Variants in KCNH8 observed in about 807,000 individuals in gnomAD.
KCNH8 encodes potassium voltage-gated channel subfamily H member 8.
KCNH8 carries 70 observed loss-of-function variants against 103.6 expected under a neutral mutation model. The ratio of observed to expected loss-of-function variants is 0.68; its 90% CI spans 0.56 to 0.82. KCNH8 has a LOEUF of 0.82. Among genes scored for constraint, KCNH8 ranks in the 40% least tolerant of loss-of-function variants. KCNH8 has a pLI of 0.00. For synonymous variants in KCNH8, 498 were observed against 489.4 expected, an observed-to-expected ratio of 1.02 and a Z score of -0.23; for missense variants, 1,217 against 1,329.9, an observed-to-expected ratio of 0.92 and a Z score of 1.32.
intron 7 of KCNH8, among the ~76,000 whole-genome samples, chr3:19,401,609 A>G (rs2066613823): frequency 6.6e-6 from 1 of 152,018 alleles, no homozygotes. Flanking sequence ...TCCACGTTTT[A>G]GAAGTAAGAT....
chr3:19,299,311 C>CACAGT (rs911274726), intron 3 of KCNH8, among the ~76,000 whole-genome samples: 2 of 151,736 alleles, frequency 1.3e-5, no homozygotes, highest in African/African-American at 4.8e-5. Context: ...TCTGGCCAGA[C>CACAGT]ACAGTGTCTG....
chr3:19,442,618 A>G (rs559524195), intron 8 of KCNH8, among the ~76,000 whole-genome samples: 1 of 152,194 alleles, frequency 6.6e-6, no homozygotes, highest in East Asian at 1.9e-4. Flanking sequence ...ATCAGTGCTC[A>G]TTGGTAAGTG....
intron 7 of KCNH8, among the ~76,000 whole-genome samples, chr3:19,418,045 T>G (rs1229966672): frequency 6.6e-6 from 1 of 152,156 alleles, no homozygotes; most frequent in African/African-American, 2.4e-5. Context: ...GAAATTTCCT[T>G]AAAAGTTCAG....
At chr3:19,269,147 G>T (rs1269478902) in intron 2 of KCNH8, among the ~76,000 whole-genome samples, 1 of 151,978 alleles carries the variant, frequency 6.6e-6, no homozygotes, top group African/African-American at 2.4e-5. Flanking sequence ...GATCTAAGAA[G>T]CATCATTATA....
At chr3:19,280,597 CTCAT>C (rs1467938152) in intron 2 of KCNH8, among the ~76,000 whole-genome samples, 1 of 152,052 alleles carries the variant, frequency 6.6e-6, no homozygotes, top group East Asian at 1.9e-4. Flanking sequence ...TTGTAAGTCA[CTCAT>C]TCACGCTGAT....
chr3:19,174,846 T>G (rs932186116), intron 1 of KCNH8, among the ~76,000 whole-genome samples: 3 of 152,228 alleles, frequency 2.0e-5, no homozygotes, highest in Non-Finnish European at 4.4e-5. Context: ...CCTGTTTTGT[T>G]TCAGAAAAGG....
intron 1 of KCNH8, among the ~76,000 whole-genome samples, chr3:19,234,179 G>A (rs181298099): frequency 6.6e-6 from 1 of 152,182 alleles, no homozygotes; most frequent in Admixed American, 6.5e-5. Flanking sequence ...AGACACAAAG[G>A]TTCTCCACGT....
chr3:19,309,781 A>T (rs1385939261), intron 3 of KCNH8, among the ~76,000 whole-genome samples: 1 of 151,966 alleles, frequency 6.6e-6, no homozygotes, highest in East Asian at 1.9e-4. Flanking sequence ...TCTTGCAACC[A>T]TCAGCCATGT....
chr3:19,473,751 T>A (rs897053909), intron 11 of KCNH8, among the ~76,000 whole-genome samples: 1 of 152,226 alleles, frequency 6.6e-6, no homozygotes, highest in African/African-American at 2.4e-5. Flanking sequence ...TTCTGAGAAC[T>A]TCTTGTATAC....
rs1302403395 is a variant in KCNH8, at chr3:19,535,087, G to T, written c.*988G>T. On this transcript the variant is annotated 3_prime_UTR_variant, in exon 16 of 16. Transcript: ENST00000328405. ...GCCAGCAGAAATGTCTCTCCTCTAGGTATCGTATTTTGTTGCTCAAGAATC... is the reference window on the plus strand; with the variant it reads ...GCCAGCAGAAATGTCTCTCCTCTAGTTATCGTATTTTGTTGCTCAAGAATC... The T allele has an allele frequency of 6.6e-6, 1 of 152,134 alleles. No individual in the cohort carries two copies. The highest frequency in any genetic ancestry group is 2.4e-5 in the African/African-American group (1 of 41,412). 9.4% of individuals were successfully genotyped at this position (152,134 alleles called of 1,614,324 possible).
intron 3 of KCNH8, among the ~76,000 whole-genome samples, chr3:19,332,853 G>C (rs1047883304): frequency 6.6e-5 from 10 of 152,004 alleles, no homozygotes; most frequent in Admixed American, 2.6e-4. Context: ...GGCTGGTCTT[G>C]AACTCCTGAC....
chr3:19,340,171 C>G (rs559502374), intron 3 of KCNH8, among the ~76,000 whole-genome samples: 82 of 152,090 alleles, frequency 5.4e-4, no homozygotes, highest in African/African-American at 1.9e-3. Context: ...TAGGCATCAG[C>G]AACAGTCATA....
intron 5 of KCNH8, among the ~76,000 whole-genome samples, chr3:19,367,193 C>T (rs2066023602): frequency 6.6e-6 from 1 of 151,836 alleles, no homozygotes; most frequent in Non-Finnish European, 1.5e-5. Context: ...CAAGACATCT[C>T]CTTAGTTCCT....
chr3:19,197,878 T>G (rs551592164), intron 1 of KCNH8, among the ~76,000 whole-genome samples: 30 of 152,232 alleles, frequency 2.0e-4, no homozygotes, highest in African/African-American at 5.8e-4. Context: ...AAAGAAATAA[T>G]TTTTTAAAAT....
chr3:19,175,145 A>G (rs2063384978), intron 1 of KCNH8, among the ~76,000 whole-genome samples: 1 of 152,162 alleles, frequency 6.6e-6, no homozygotes, highest in South Asian at 2.1e-4. Context: ...ATAGTAATAT[A>G]GAGATACTCT....
At chr3:19,188,797 TTG>T (rs1290163768) in intron 1 of KCNH8, among the ~76,000 whole-genome samples, 1 of 151,372 alleles carries the variant, frequency 6.6e-6, no homozygotes, top group African/African-American at 2.4e-5. Context: ...CCACAAGTGT[TTG>T]TTTGTTTGTT....
At chr3:19,376,331 C>T (rs915422686) in intron 5 of KCNH8, among the ~76,000 whole-genome samples, 5 of 152,220 alleles carry the variant, frequency 3.3e-5, no homozygotes, top group Non-Finnish European at 5.9e-5. Flanking sequence ...GTCGGAAAAG[C>T]GCAGTATTCG....
intron 1 of KCNH8, among the ~76,000 whole-genome samples, chr3:19,153,230 T>C (rs922920407): frequency 2.0e-5 from 3 of 152,230 alleles, no homozygotes; most frequent in African/African-American, 7.2e-5. Flanking sequence ...CCAGAAATGA[T>C]TTTCTTTTGA....
intron 5 of KCNH8, among the ~76,000 whole-genome samples, chr3:19,369,918 T>A (rs1405520904): frequency 3.3e-5 from 5 of 152,068 alleles, no homozygotes; most frequent in Non-Finnish European, 7.4e-5. Flanking sequence ...TTGACTAACT[T>A]CCTTCTCTAC....
Sources: gnomAD v4.1 joint callset for allele counts (sites outside exome capture counted in the v4.1 genomes callset) on GRCh38, gnomAD v4.1.1 for gene constraint, MANE v1.5 for transcripts, NCBI Gene and HGNC (gene_info 2026-07-23, HGNC 2026-07-21) for gene names.